ZBTB20: variants seen among roughly 807,000 people sequenced by gnomAD.
ZBTB20 encodes zinc finger and BTB domain containing 20, also known as zinc finger and BTB domain-containing protein 20.
Under a neutral mutation model 56.9 loss-of-function variants are expected in ZBTB20, and 9 were observed. That is an observed-to-expected ratio of 0.16 (90% CI 0.10 to 0.28). ZBTB20 has a LOEUF of 0.28. Ranked by LOEUF, ZBTB20 falls within the 10% of genes least tolerant of loss-of-function variation. The probability of loss-of-function intolerance (pLI) is 1.00; values close to 1 mark genes in which losing one functional copy is unlikely to be tolerated. For missense variants in ZBTB20, 655 were observed against 1,003.0 expected (o/e 0.65, Z 4.69); for synonymous variants, 417 against 420.7 (o/e 0.99, Z 0.11).
Position 114,375,586 on chromosome 3 carries a change from G to A in ZBTB20, c.199+4631C>T, listed in dbSNP as rs757791275. 8.3e-4 allele frequency among the ~76,000 whole-genome samples: 126 copies of A among 152,198 alleles called. 1 individual carries two copies. The highest frequency in any genetic ancestry group is 1.6e-3 in the Non-Finnish European group (106 of 68,030). ...CCCAGTGGGCATGCCTGCAATTCAA[G>A]GGGAAATCTGCTTTCAAGTTGTTCT... is the stretch of plus-strand genomic sequence containing the variant. On this transcript the variant is annotated intron_variant, in intron 10 of 11. Coordinates refer to ENST00000675478, the MANE Select transcript of ZBTB20 (RefSeq NM_001348800.3).
At chr3:114,433,786 G>C (rs1048508529) in intron 7 of ZBTB20, among the ~76,000 whole-genome samples, 2 of 152,236 alleles carry the variant, frequency 1.3e-5, no homozygotes, top group South Asian at 4.2e-4. Context: ...AAGTGCTTTA[G>C]CAGTTCGGAA....
chr3:114,516,577 T>C (rs963063065), intron 6 of ZBTB20, among the ~76,000 whole-genome samples: 42 of 152,224 alleles, frequency 2.8e-4, no homozygotes, highest in African/African-American at 9.4e-4. Flanking sequence ...GTTGACATTC[T>C]GGCCCCCAAT....
chr3:114,410,775 T>G (rs2087864132), intron 7 of ZBTB20, among the ~76,000 whole-genome samples: 1 of 152,094 alleles, frequency 6.6e-6, no homozygotes, highest in Non-Finnish European at 1.5e-5. Context: ...GCTCTATAGC[T>G]AACTAATGAT....
At chr3:114,860,140 C>G (rs1576139643) in intron 4 of ZBTB20, among the ~76,000 whole-genome samples, 1 of 152,200 alleles carries the variant, frequency 6.6e-6, no homozygotes, top group Non-Finnish European at 1.5e-5. Context: ...AACCCCATCT[C>G]TACTAAAATA....
chr3:114,751,828 A>G (rs568825504), intron 5 of ZBTB20, among the ~76,000 whole-genome samples: 4 of 152,246 alleles, frequency 2.6e-5, no homozygotes, highest in African/African-American at 9.6e-5. Context: ...TCGTATTACA[A>G]TTTTCATCTA....
intron 5 of ZBTB20, among the ~76,000 whole-genome samples, chr3:114,797,151 G>C (rs2071388322): frequency 6.6e-6 from 1 of 150,724 alleles, no homozygotes; most frequent in Non-Finnish European, 1.5e-5. Flanking sequence ...TTTATATTTT[G>C]GTGCATAATT....
At chr3:114,573,625 T>C (rs1350410616) in intron 6 of ZBTB20, among the ~76,000 whole-genome samples, 1 of 151,758 alleles carries the variant, frequency 6.6e-6, no homozygotes, top group Non-Finnish European at 1.5e-5. Context: ...AATGAGGTTC[T>C]GGAACATCGA....
At chr3:114,707,767 A>G (rs1169955497) in intron 5 of ZBTB20, among the ~76,000 whole-genome samples, 1 of 152,184 alleles carries the variant, frequency 6.6e-6, no homozygotes, top group Non-Finnish European at 1.5e-5. Flanking sequence ...TCTGGAGTTA[A>G]AACAGGTATG....
chr3:114,889,708 G>A (rs1211533058), intron 4 of ZBTB20, among the ~76,000 whole-genome samples: 7 of 151,992 alleles, frequency 4.6e-5, no homozygotes. Flanking sequence ...CTGTTATTGA[G>A]GTGCAAATAA....
chr3:114,576,783 A>T (rs2054110763), intron 6 of ZBTB20, among the ~76,000 whole-genome samples: 3 of 32,502 alleles, frequency 9.2e-5, no homozygotes, highest in African/African-American at 1.6e-4. Flanking sequence ...GTAATCACAC[A>T]TCAAAAAAGA....
rs547322683 is a variant in ZBTB20, at chr3:114,642,379, G to A, written c.-295+51149C>T. 2.0e-5 allele frequency among the ~76,000 whole-genome samples: 3 copies of A among 152,076 alleles called. No homozygotes were observed. The South Asian group carries it at 6.2e-4, about 32-fold the overall frequency. ...TTCACACCTTATTGTTAATTACTTT[G>A]ATGTTCTAGAATATGATCAACACTT... is the stretch of plus-strand genomic sequence containing the variant. On this transcript the variant is annotated intron_variant, in intron 6 of 11. Coordinates refer to ENST00000675478, the MANE Select transcript of ZBTB20 (RefSeq NM_001348800.3).
intron 3 of ZBTB20, among the ~76,000 whole-genome samples, chr3:114,944,990 TA>T: frequency 6.9e-6 from 1 of 145,802 alleles, no homozygotes; most frequent in East Asian, 1.9e-4. Flanking sequence ...GTTCTTACCA[TA>T]AAAACACGAT....
chr3:114,627,844 C>T (rs1181296358), intron 6 of ZBTB20, among the ~76,000 whole-genome samples: 1 of 152,134 alleles, frequency 6.6e-6, no homozygotes, highest in East Asian at 1.9e-4. Flanking sequence ...TCTTTCACTC[C>T]CCACAGATGC....
intron 6 of ZBTB20, among the ~76,000 whole-genome samples, chr3:114,678,095 A>G (rs1441411597): frequency 6.6e-6 from 1 of 152,166 alleles, no homozygotes; most frequent in African/African-American, 2.4e-5. Flanking sequence ...TGTCTGTAGT[A>G]TTCTCATAAT....
intron 2 of ZBTB20, among the ~76,000 whole-genome samples, chr3:115,049,638 G>C (rs981993530): frequency 6.6e-6 from 1 of 152,058 alleles, no homozygotes; most frequent in Admixed American, 6.6e-5. Flanking sequence ...AAAAGTTTTG[G>C]ACTTTGGAAT....
At chr3:115,131,289 T>C (rs1253155035) in intron 1 of ZBTB20, among the ~76,000 whole-genome samples, 1 of 152,200 alleles carries the variant, frequency 6.6e-6, no homozygotes, top group Non-Finnish European at 1.5e-5. Context: ...AAGGTAGATA[T>C]ATACATATGC....
rs1177626927 is a variant in ZBTB20 at position 114,938,562 on chromosome 3, T to G, written c.-456+35804A>C. Among the ~76,000 whole-genome samples the G allele has an allele frequency of 1.4e-5, 2 of 145,864 alleles. 1 individual carries two copies. The highest frequency in any genetic ancestry group is 5.6e-5 in the African/African-American group (2 of 35,590). On this transcript the variant is annotated intron_variant, in intron 3 of 11. Coordinates refer to ENST00000675478, the MANE Select transcript of ZBTB20 (RefSeq NM_001348800.3). The stretch of plus-strand genomic sequence containing the variant: ...CTGGAAACCATCATTCTCAGTGAAC[T>G]AACACAGGAACAGAAAACCAAACAC...
intron 3 of ZBTB20, chr3:114,930,817 G>T: frequency 3.4e-6 from 1 of 291,782 alleles, no homozygotes; most frequent in South Asian, 4.6e-5. Context: ...TGTAGGACAC[G>T]GAGAGACTGT....
chr3:114,339,544 AT>A lies in ZBTB20; in HGVS notation c.1805-119del, dbSNP rs1420085452. The A allele has an allele frequency of 1.7e-5, 21 of 1,208,962 alleles. No homozygotes were observed. The highest frequency in any genetic ancestry group is 1.1e-6 in the Non-Finnish European group (1 of 893,392). The allele number at this position is 1,208,962 out of a possible 1,614,324, so 74.9% of individuals were successfully genotyped here. A position where few individuals can be genotyped will look rare whatever the true frequency, so the allele number is the denominator to read the frequency against. On this transcript the variant is annotated intron_variant, in intron 11 of 11. Transcript: ENST00000675478. The surrounding 1 kb of genome is among the most constrained non-coding windows in gnomAD (Gnocchi z 4.2). ...AAAAATAAAACAATTAAAAAATAAA[AT>A]TTGATTGCTTAATGGATCATCCTCG...
Sources: allele counts gnomAD v4.1 joint callset (sites outside exome capture counted in the v4.1 genomes callset), GRCh38; gene constraint gnomAD v4.1.1; non-coding constraint Gnocchi (gnomAD v3.1); transcripts MANE v1.5; gene names NCBI Gene and HGNC (gene_info 2026-07-23, HGNC 2026-07-21).